Variants in DAPP1 observed in about 807,000 individuals in gnomAD.
DAPP1 encodes the protein dual adapter for phosphotyrosine and 3-phosphotyrosine and 3-phosphoinositide.
Under a neutral mutation model 41.5 loss-of-function variants are expected in DAPP1, and 20 were observed. The ratio of observed to expected loss-of-function variants is 0.48; its 90% CI spans 0.34 to 0.70. The LOEUF (loss-of-function observed/expected upper bound fraction) is 0.70, where lower values mean the gene tolerates loss of function less well. Among genes scored for constraint, DAPP1 ranks in the 30% least tolerant of loss-of-function variants. The pLI, the probability that DAPP1 is intolerant of heterozygous loss-of-function variation, is 0.01. For synonymous variants in DAPP1, 113 were observed against 116.2 expected (o/e 0.97, Z 0.18); for missense variants, 233 against 333.4 (o/e 0.70, Z 2.35).
chr4:99,842,574 G>A (rs1560697065), intron 3 of DAPP1, among the ~76,000 whole-genome samples: 2 of 152,226 alleles, frequency 1.3e-5, no homozygotes, highest in South Asian at 4.1e-4. Flanking sequence ...ACAGATGAGT[G>A]TTCAAATCTT....
At chr4:99,823,636 G>A (rs936658893) in intron 1 of DAPP1, among the ~76,000 whole-genome samples, 3 of 152,142 alleles carry the variant, frequency 2.0e-5, no homozygotes, top group Non-Finnish European at 4.4e-5. Context: ...ATTCTGGAGG[G>A]CCTAAAATAG....
chr4:99,858,104 T>A (rs1311318947), intron 4 of DAPP1, among the ~76,000 whole-genome samples: 1 of 152,182 alleles, frequency 6.6e-6, no homozygotes, highest in African/African-American at 2.4e-5. Context: ...AACTAGAAAA[T>A]TAACATTGAG....
chr4:99,834,122 G>A (rs910643524), intron 1 of DAPP1, among the ~76,000 whole-genome samples: 10 of 152,152 alleles, frequency 6.6e-5, no homozygotes, highest in East Asian at 5.8e-4. Flanking sequence ...CTATGACATC[G>A]TTTAAAAGAA....
At chr4:99,857,068 C>T (rs920038831) in intron 4 of DAPP1, among the ~76,000 whole-genome samples, 1 of 152,102 alleles carries the variant, frequency 6.6e-6, no homozygotes, top group African/African-American at 2.4e-5. Context: ...ACAAGAGACC[C>T]GTGGAGATTA....
intron 1 of DAPP1, among the ~76,000 whole-genome samples, chr4:99,826,605 C>T (rs143515718): frequency 2.0e-5 from 3 of 152,170 alleles, no homozygotes; most frequent in Non-Finnish European, 4.4e-5. Flanking sequence ...TTTTAAAGTG[C>T]AAGATTGCTT....
At chr4:99,857,383 G>A (rs1310270214) in intron 4 of DAPP1, among the ~76,000 whole-genome samples, 2 of 152,296 alleles carry the variant, frequency 1.3e-5, no homozygotes, top group East Asian at 1.9e-4. Context: ...TGTCTTGGTA[G>A]AGATTGAGAT....
intron 1 of DAPP1, among the ~76,000 whole-genome samples, chr4:99,831,725 A>G (rs776836347): frequency 2.0e-5 from 3 of 152,244 alleles, no homozygotes; most frequent in Non-Finnish European, 4.4e-5. Context: ...AACAATGGAC[A>G]GTAATAGCCA....
At chr4:99,820,288 C>G (rs989008468) in intron 1 of DAPP1, among the ~76,000 whole-genome samples, 9 of 152,116 alleles carry the variant, frequency 5.9e-5, no homozygotes, top group Admixed American at 2.0e-4. Flanking sequence ...GAGATATCAC[C>G]TAAGTAACAA....
At position 99,865,930 on chromosome 4, in the gene DAPP1, AT is replaced by A. The variant is rs1391465696; in HGVS notation, c.687-103del. The A allele has an allele frequency of 8.0e-3, 701 of 87,550 alleles. 2 individuals are homozygous for A. The highest frequency in any genetic ancestry group is 0.017 in the Middle Eastern group (3 of 176). 5.4% of individuals were successfully genotyped at this position (87,550 alleles called of 1,614,324 possible). On this transcript the variant is annotated intron_variant, in intron 7 of 8. Coordinates refer to ENST00000512369, the MANE Select transcript of DAPP1 (RefSeq NM_014395.3). ...ATATATATATATATATATATAATAT[AT>A]ATAATATATTATATTATATATTATA...
At chr4:99,834,213 T>A (rs1393046962) in intron 1 of DAPP1, among the ~76,000 whole-genome samples, 1 of 152,198 alleles carries the variant, frequency 6.6e-6, no homozygotes, top group Non-Finnish European at 1.5e-5. Context: ...ATAATGCTCG[T>A]ATGTTTGTAG....
At chr4:99,841,242 G>T (rs1405850490) in intron 3 of DAPP1, among the ~76,000 whole-genome samples, 1 of 152,188 alleles carries the variant, frequency 6.6e-6, no homozygotes, top group African/African-American at 2.4e-5. Flanking sequence ...TGGCAAACTT[G>T]CCAGTGGGCT....
intron 1 of DAPP1, among the ~76,000 whole-genome samples, chr4:99,819,484 C>A (rs1722695839): frequency 6.6e-6 from 1 of 152,184 alleles, no homozygotes; most frequent in African/African-American, 2.4e-5. Context: ...TTATAGATAA[C>A]AATTTGAGAA....
chr4:99,852,309 T>C (rs1560702840), intron 3 of DAPP1, among the ~76,000 whole-genome samples: 1 of 152,190 alleles, frequency 6.6e-6, no homozygotes, highest in African/African-American at 2.4e-5. Flanking sequence ...GAAAAGACCC[T>C]AGTAAAATTA....
intron 3 of DAPP1, among the ~76,000 whole-genome samples, chr4:99,850,629 C>G (rs781533314): frequency 1.3e-5 from 2 of 152,074 alleles, no homozygotes; most frequent in Non-Finnish European, 2.9e-5. Flanking sequence ...TTCAGTTCCC[C>G]TCTCCTCTTC....
chr4:99,839,402 C>A (rs1248436236), intron 2 of DAPP1, among the ~76,000 whole-genome samples: 2 of 147,746 alleles, frequency 1.4e-5, no homozygotes, highest in Admixed American at 1.4e-4. Context: ...GATTAGATAT[C>A]TATAGATATA....
chr4:99,862,975 G>A (rs772229335), intron 5 of DAPP1, 35 bp from the exon 6 acceptor site: 14 of 1,505,926 alleles, frequency 9.3e-6, no homozygotes, highest in Non-Finnish European at 1.2e-5. Flanking sequence ...AACTTTGTGT[G>A]TCTGTGTGTT....
At chr4:99,843,263 T>C (rs1309797673) in intron 3 of DAPP1, among the ~76,000 whole-genome samples, 2 of 152,234 alleles carry the variant, frequency 1.3e-5, no homozygotes, top group Non-Finnish European at 2.9e-5. Context: ...CTTTACACTT[T>C]TGCCTTGCAG....
In DAPP1 at chr4:99,869,588, T is replaced by C. The variant is rs1433777660; in HGVS notation, c.*1403T>C. 1 of 152,238 alleles carries C rather than the reference T, an allele frequency of 6.6e-6. No individual in the cohort carries two copies. The highest frequency in any genetic ancestry group is 1.5e-5 in the Non-Finnish European group (1 of 68,044). The allele number at this position is 152,238 out of a possible 1,614,324, so 9.4% of individuals were successfully genotyped here. On this transcript the variant is annotated 3_prime_UTR_variant, in exon 9 of 9. Transcript: ENST00000512369. The stretch of plus-strand genomic sequence containing the variant: ...TGTATTTTGTTATGTTTGTATTATA[T>C]AGGATAAAGCAAATGTCAAGTTAAA...
chr4:99,859,080 T>A (rs1377871096), intron 4 of DAPP1, among the ~76,000 whole-genome samples: 1 of 151,926 alleles, frequency 6.6e-6, no homozygotes, highest in Non-Finnish European at 1.5e-5. Context: ...TGTATTTTCA[T>A]TTTTTTATTT....
Sources: gnomAD v4.1 joint callset for allele counts (sites outside exome capture counted in the v4.1 genomes callset) on GRCh38, gnomAD v4.1.1 for gene constraint, MANE v1.5 for transcripts, NCBI Gene and HGNC (gene_info 2026-07-23, HGNC 2026-07-21) for gene names.